Variants in PRPSAP2 observed in about 807,000 individuals in gnomAD.
The protein encoded by PRPSAP2 is phosphoribosyl pyrophosphate synthase-associated protein 2.
A neutral mutation model predicts 40.6 loss-of-function variants in PRPSAP2; 24 were observed. That is an observed-to-expected ratio of 0.59 (90% confidence interval 0.43 to 0.83). The LOEUF (loss-of-function observed/expected upper bound fraction) is 0.83. Ranked by LOEUF, PRPSAP2 falls within the 40% of genes least tolerant of loss-of-function variation. The pLI is 0.00. For synonymous variants in PRPSAP2, 149 were observed against 164.7 expected (o/e 0.90, Z 0.73); for missense variants, 292 against 465.6 (o/e 0.63, Z 3.43).
At chr17:18,889,067 G>A (rs558871890) in intron 7 of PRPSAP2, among the ~76,000 whole-genome samples, 58 of 152,332 alleles carry the variant, frequency 3.8e-4, no homozygotes, top group African/African-American at 1.3e-3. Context: ...CAAAAATAAT[G>A]AAAGTGCCCA....
intron 7 of PRPSAP2, among the ~76,000 whole-genome samples, chr17:18,886,369 T>G (rs1037461512): frequency 8.5e-5 from 13 of 152,064 alleles, no homozygotes; most frequent in Non-Finnish European, 1.6e-4. Context: ...CTTTTTTTTT[T>G]TTTTGAGACG....
chr17:18,906,552 C>T (rs188003288), intron 8 of PRPSAP2, among the ~76,000 whole-genome samples: 33 of 150,314 alleles, frequency 2.2e-4, no homozygotes, highest in African/African-American at 8.1e-4. Flanking sequence ...ACGAGGTCTC[C>T]CTGTGTTGCC....
intron 9 of PRPSAP2, among the ~76,000 whole-genome samples, chr17:18,921,626 T>C (rs2041694382): frequency 6.6e-6 from 1 of 152,112 alleles, no homozygotes; most frequent in African/African-American, 2.4e-5. Flanking sequence ...CTGGAGATAG[T>C]TTTGATTGTC....
In PRPSAP2 at chr17:18,924,104, A is replaced by G. The variant is rs748654029; in HGVS notation, c.804+120A>G. On this transcript the variant is annotated intron_variant, in intron 10 of 11. Transcript: ENST00000268835. ...GCCCAGGCTGGAGTGCAGTGGCACA[A>G]TCTCGGCTCACTGCAACTTCTGCCT... 5.4e-5 allele frequency: 49 copies of G among 906,834 alleles called. 1 individual carries two copies. Among genetic ancestry groups the G allele is most frequent in the Non-Finnish European group, 8.0e-5 (49 of 612,848 alleles). The allele number at this position is 906,834 out of a possible 1,614,324, so 56.2% of individuals were successfully genotyped here. A position where few individuals can be genotyped will look rare whatever the true frequency, so the allele number is the denominator to read the frequency against.
chr17:18,867,401 C>T, intron 4 of PRPSAP2, 67 bp downstream of exon 4: 1 of 1,523,446 alleles, frequency 6.6e-7, no homozygotes, highest in Non-Finnish European at 9.1e-7. Flanking sequence ...CTCCGTCCTT[C>T]ATCCTTTACT....
intron 6 of PRPSAP2, among the ~76,000 whole-genome samples, chr17:18,879,084 G>T (rs1415810332): frequency 6.6e-6 from 1 of 152,042 alleles, no homozygotes; most frequent in Admixed American, 6.6e-5. Flanking sequence ...TGGCCAGGCT[G>T]GTCTCGAACT....
At chr17:18,868,089 TCATACC>T (rs1482298147) in intron 4 of PRPSAP2, among the ~76,000 whole-genome samples, 2 of 152,060 alleles carry the variant, frequency 1.3e-5, no homozygotes, top group African/African-American at 4.8e-5. Flanking sequence ...TGAAGTGTGA[TCATACC>T]ACAGAGTGAG....
At chr17:18,887,004 T>C (rs1273199606) in intron 7 of PRPSAP2, among the ~76,000 whole-genome samples, 1 of 137,262 alleles carries the variant, frequency 7.3e-6, no homozygotes, top group Non-Finnish European at 1.5e-5. Context: ...TGGCGCAATC[T>C]CAGCTCATCA....
chr17:18,916,456 A>G (rs1264844447), intron 9 of PRPSAP2, among the ~76,000 whole-genome samples: 1 of 150,940 alleles, frequency 6.6e-6, no homozygotes, highest in Admixed American at 6.6e-5. Context: ...GCTCACCGCA[A>G]CTTCCACCTC....
chr17:18,908,462 G>C, intron 8 of PRPSAP2: 1 of 759,904 alleles, frequency 1.3e-6, no homozygotes, highest in Non-Finnish European at 2.5e-6. Context: ...GGATCTCCCA[G>C]AATGGAAGGA....
chr17:18,917,167 A>AC (rs2041366737), intron 9 of PRPSAP2, among the ~76,000 whole-genome samples: 2 of 151,726 alleles, frequency 1.3e-5, no homozygotes, highest in Admixed American at 1.3e-4. Flanking sequence ...AAGAACCCTA[A>AC]CCCCCTGCCC....
intron 8 of PRPSAP2, among the ~76,000 whole-genome samples, chr17:18,901,731 CAGA>C (rs1274298680): frequency 2.6e-5 from 4 of 151,476 alleles, no homozygotes; most frequent in African/African-American, 7.3e-5. Flanking sequence ...TTGTGGGTGG[CAGA>C]AGGAGTATTA....
Position 18,879,406 on chromosome 17 carries a change from C to T in PRPSAP2, c.412+1536C>T, listed in dbSNP as rs1053485505. Among the ~76,000 whole-genome samples, 6 of 152,054 alleles carry T rather than the reference C, an allele frequency of 3.9e-5. No homozygotes were observed. In the South Asian group the frequency reaches 1.2e-3, roughly 32 times the overall value. ...TTCAAGCAATTCTCCTGCCTCAGCCCCCAGAGTAGCTGGGATTGCAGGCAC... is the reference window on the plus strand; with the variant it reads ...TTCAAGCAATTCTCCTGCCTCAGCCTCCAGAGTAGCTGGGATTGCAGGCAC... On this transcript the variant is annotated intron_variant, in intron 6 of 11. Coordinates refer to ENST00000268835, the MANE Select transcript of PRPSAP2 (RefSeq NM_002767.4).
At position 18,923,999 on chromosome 17, in the gene PRPSAP2, TTTA is replaced by T; in HGVS notation, c.804+22_804+24del. On this transcript the variant is annotated intron_variant, in intron 10 of 11. Transcript: ENST00000268835. ...CCATCATCGTGGTATGTAGACCTCT[TTTA>T]TTATTAATTCTAGTATTTGCCATTG... 6.3e-7 allele frequency: 1 copy of T among 1,593,494 alleles called. No individual in the cohort carries two copies. Among genetic ancestry groups the T allele is most frequent in the Non-Finnish European group, 8.6e-7 (1 of 1,163,172 alleles).
At chr17:18,882,499 G>T in intron 6 of PRPSAP2, 69 bp from the exon 7 acceptor site, 3 of 1,003,162 alleles carry the variant, frequency 3.0e-6, no homozygotes, top group African/African-American at 1.6e-5. Flanking sequence ...TGACAGAATG[G>T]GATCCCATCT....
At chr17:18,930,414 G>A (rs1275260081) in intron 11 of PRPSAP2, 126 bp from the exon 12 acceptor site, 1 of 787,488 alleles carries the variant, frequency 1.3e-6, no homozygotes, top group Non-Finnish European at 2.0e-6. Flanking sequence ...ATTGACTTGA[G>A]ACATAGATCC....
chr17:18,893,840 AG>A (rs1265995727), intron 8 of PRPSAP2, among the ~76,000 whole-genome samples: 6 of 152,170 alleles, frequency 3.9e-5, no homozygotes, highest in Non-Finnish European at 8.8e-5. Flanking sequence ...TTGGGATTAC[AG>A]GCATGAGCCA....
chr17:18,872,717 G>C (rs2037982045), intron 5 of PRPSAP2, 68 bp downstream of exon 5: 2 of 1,214,358 alleles, frequency 1.6e-6, no homozygotes, highest in Non-Finnish European at 2.4e-6. Flanking sequence ...AATAATGATA[G>C]ATGGCTAGCC....
chr17:18,867,414 T>C, intron 4 of PRPSAP2, 80 bp downstream of exon 4: 7 of 1,477,454 alleles, frequency 4.7e-6, no homozygotes, highest in Non-Finnish European at 5.7e-6. Context: ...CCTTTACTAT[T>C]GAAACGATTT....
Sources: allele counts gnomAD v4.1 joint callset (sites outside exome capture counted in the v4.1 genomes callset), GRCh38; gene constraint gnomAD v4.1.1; transcripts MANE v1.5; gene names NCBI Gene and HGNC (gene_info 2026-07-23, HGNC 2026-07-21).